The following GDAP1 variants were observed in gnomAD, a reference collection of about 807,000 sequenced individuals.
GDAP1 encodes the protein ganglioside-induced differentiation-associated protein 1.
In GDAP1, 34 loss-of-function variants were observed where a neutral mutation model predicts 40.1. The ratio of observed to expected loss-of-function variants is 0.85; its 90% CI spans 0.64 to 1.13. The LOEUF is 1.13. Ranked by LOEUF, GDAP1 falls within the 50% of genes most tolerant of loss-of-function variation. The probability of loss-of-function intolerance (pLI) is 0.00; values close to 1 mark genes in which losing one functional copy is unlikely to be tolerated. For synonymous variants in GDAP1, 170 were observed against 157.4 expected (o/e 1.08, Z -0.60); for missense variants, 374 against 433.7 (o/e 0.86, Z 1.22).
intron 2 of GDAP1, among the ~76,000 whole-genome samples, chr8:74,353,749 C>T (rs1270422518): frequency 6.6e-6 from 1 of 152,168 alleles, no homozygotes; most frequent in Non-Finnish European, 1.5e-5. Flanking sequence ...ACAAGAGCCC[C>T]ATGTGATTCG....
At chr8:74,393,282 G>GAA (rs1810139677) in intron 2 of GDAP1, among the ~76,000 whole-genome samples, 1 of 152,128 alleles carries the variant, frequency 6.6e-6, no homozygotes, top group Non-Finnish European at 1.5e-5. Flanking sequence ...AAAAAAATGA[G>GAA]AAAAAACTAT....
At chr8:74,390,597 C>T (rs1354907515) in intron 2 of GDAP1, among the ~76,000 whole-genome samples, 4 of 152,208 alleles carry the variant, frequency 2.6e-5, no homozygotes, top group Admixed American at 2.0e-4. Flanking sequence ...CCAGAGCTCT[C>T]TCCAGTATGA....
chr8:74,409,643 G>A (rs901361511), intron 2 of GDAP1, among the ~76,000 whole-genome samples: 19 of 150,038 alleles, frequency 1.3e-4, no homozygotes, highest in Admixed American at 4.6e-4. Flanking sequence ...GTGAGCCACC[G>A]CACCTGACCC....
intron 2 of GDAP1, among the ~76,000 whole-genome samples, chr8:74,465,123 G>T (rs1334045729): frequency 6.6e-6 from 1 of 152,000 alleles, no homozygotes; most frequent in Non-Finnish European, 1.5e-5. Flanking sequence ...GGGAGGCTGA[G>T]GCAGGAGAAT....
intron 2 of GDAP1, among the ~76,000 whole-genome samples, chr8:74,463,364 A>G (rs777859941): frequency 6.7e-6 from 1 of 150,168 alleles, no homozygotes; most frequent in Non-Finnish European, 1.5e-5. Context: ...AGGGTGATAT[A>G]TGAGGATTGC....
chr8:74,467,341 G>A (rs1302266679), intron 2 of GDAP1, among the ~76,000 whole-genome samples: 1 of 152,196 alleles, frequency 6.6e-6, no homozygotes, highest in Non-Finnish European at 1.5e-5. Context: ...TGGTTAAATG[G>A]TTTCTGAGCC....
At chr8:74,439,882 A>G (rs1806141601) in intron 2 of GDAP1, among the ~76,000 whole-genome samples, 1 of 151,968 alleles carries the variant, frequency 6.6e-6, no homozygotes, top group Non-Finnish European at 1.5e-5. Flanking sequence ...TAAATTTTGT[A>G]TTCTTTTATA....
intron 2 of GDAP1, among the ~76,000 whole-genome samples, chr8:74,386,166 T>C (rs1810021950): frequency 6.6e-6 from 1 of 152,236 alleles, no homozygotes; most frequent in Non-Finnish European, 1.5e-5. Context: ...GATAGTTTCT[T>C]TTGCTGTGCA....
chr8:74,422,978 A>G (rs2131560529), intron 2 of GDAP1, among the ~76,000 whole-genome samples: 1 of 150,226 alleles, frequency 6.7e-6, no homozygotes, highest in African/African-American at 2.4e-5. Context: ...CATCTAACAA[A>G]TATTTTTTGA....
chr8:74,376,118 G>A (rs185590295), intron 2 of GDAP1, among the ~76,000 whole-genome samples: 295 of 152,278 alleles, frequency 1.9e-3, no homozygotes, highest in African/African-American at 6.7e-3. Context: ...GAAGAAGACT[G>A]AAATAAATAG....
rs1369940528 is a variant in GDAP1 at position 74,393,046 on chromosome 8, C to G, written c.165+41725C>G. ...TAATATTTTGTGTGAGTTATCAATA[C>G]CTAAAATATTAAGTGAACTTTACAT... is the stretch of plus-strand genomic sequence containing the variant. On this transcript the variant is annotated intron_variant, in intron 2 of 2. Transcript: ENST00000523640. Among the ~76,000 whole-genome samples, 5 of 152,078 alleles carry G rather than the reference C, an allele frequency of 3.3e-5. No individual in the cohort carries two copies. In the East Asian group the frequency reaches 9.6e-4, roughly 29 times the overall value.
rs1318164702 is a variant in GDAP1, at chr8:74,360,314, T to C, written c.484+4T>C. 1.2e-6 allele frequency: 2 copies of C among 1,608,954 alleles called. No individual in the cohort carries two copies. Among genetic ancestry groups the C allele is most frequent in the Non-Finnish European group, 1.7e-6 (2 of 1,175,378 alleles). On this transcript the variant is annotated splice_donor_region_variant and intron_variant, in intron 3 of 5. Transcript: ENST00000220822. ...TATGCAACTACAAGGATTCGTAGTA[T>C]GTAAACATTTTAAAGACCTGGAATT...
At chr8:74,467,772 G>A (rs1363958501) in intron 2 of GDAP1, among the ~76,000 whole-genome samples, 1 of 152,148 alleles carries the variant, frequency 6.6e-6, no homozygotes, top group Non-Finnish European at 1.5e-5. Flanking sequence ...CCGGGGGCTG[G>A]ACTGATCATT....
At chr8:74,409,177 T>A (rs965696597) in intron 2 of GDAP1, among the ~76,000 whole-genome samples, 1 of 150,112 alleles carries the variant, frequency 6.7e-6, no homozygotes, top group Non-Finnish European at 1.5e-5. Flanking sequence ...TTAGTTAGTT[T>A]CGTTTAATGT....
chr8:74,440,282 C>G (rs1198606364), intron 2 of GDAP1, among the ~76,000 whole-genome samples: 2 of 152,106 alleles, frequency 1.3e-5, no homozygotes, highest in East Asian at 3.9e-4. Flanking sequence ...AAATTTAAAC[C>G]TCAGTCCTCA....
chr8:74,395,559 G>A (rs1334373835), intron 2 of GDAP1, among the ~76,000 whole-genome samples: 9 of 152,140 alleles, frequency 5.9e-5, no homozygotes, highest in Non-Finnish European at 1.0e-4. Context: ...GTATGTTGAG[G>A]TTAAACATAG....
At chr8:74,396,234 G>A (rs1810196656) in intron 2 of GDAP1, among the ~76,000 whole-genome samples, 1 of 151,894 alleles carries the variant, frequency 6.6e-6, no homozygotes, top group Admixed American at 6.5e-5. Flanking sequence ...TCAGAAAAAT[G>A]TTTTTAAAAA....
At chr8:74,373,723 T>C (rs914200925) in intron 2 of GDAP1, among the ~76,000 whole-genome samples, 1 of 152,226 alleles carries the variant, frequency 6.6e-6, no homozygotes, top group African/African-American at 2.4e-5. Context: ...TTTGACTTCC[T>C]CTTTTCCTAA....
intron 2 of GDAP1, among the ~76,000 whole-genome samples, chr8:74,442,861 G>T (rs750018622): frequency 6.6e-6 from 1 of 152,206 alleles, no homozygotes; most frequent in Non-Finnish European, 1.5e-5. Context: ...TGGAACAAGT[G>T]TTGTAGGGAG....
Sources: allele counts gnomAD v4.1 joint callset (sites outside exome capture counted in the v4.1 genomes callset), GRCh38; gene constraint gnomAD v4.1.1; transcripts MANE v1.5; gene names NCBI Gene and HGNC (gene_info 2026-07-23, HGNC 2026-07-21).